ZNF722: variants seen among roughly 807,000 people sequenced by gnomAD.
ZNF722 encodes the protein zinc finger protein 479 pseudogene.
the ZNF722 span, chr7:64,015,058 A>C: frequency 5.9e-6 from 8 of 1,360,708 alleles, no homozygotes; most frequent in Non-Finnish European, 8.4e-6. Context: ...CAAGACCTTC[A>C]TCCAGAGCAG....
the ZNF722 span, among the ~76,000 whole-genome samples, chr7:64,004,386 GT>G: frequency 7.6e-6 from 1 of 132,250 alleles, no homozygotes; most frequent in Non-Finnish European, 1.5e-5. Flanking sequence ...TCCAGCCTGG[GT>G]GACAGAGCGA....
the ZNF722 span, chr7:64,006,364 C>T: frequency 1.7e-6 from 2 of 1,165,768 alleles, no homozygotes; most frequent in South Asian, 1.5e-5. Context: ...GAGAGATACA[C>T]AAATCAACAA....
chr7:64,003,125 G>GAA, the ZNF722 span, among the ~76,000 whole-genome samples: 1 of 152,144 alleles, frequency 6.6e-6, no homozygotes, highest in African/African-American at 2.4e-5. Flanking sequence ...TTCAACCTTT[G>GAA]CATCAAAGGA....
At chr7:64,006,764 ATTAC>A in the ZNF722 span, among the ~76,000 whole-genome samples, 5 of 151,952 alleles carry the variant, frequency 3.3e-5, no homozygotes, top group Non-Finnish European at 7.4e-5. Context: ...TTCTGTTTTT[ATTAC>A]TATAGCCTTG....
chr7:64,006,201 A>T, the ZNF722 span: 1 of 1,141,860 alleles, frequency 8.8e-7, no homozygotes. Context: ...GATTTATCTT[A>T]CTTTTTTTTC....
chr7:64,007,222 T>TGTGTG, the ZNF722 span, among the ~76,000 whole-genome samples: 33,910 of 131,330 alleles, frequency 0.26, 4,671 homozygotes, highest in Non-Finnish European at 0.3. Flanking sequence ...ATTTGTGTGT[T>TGTGTG]TGTGTGTGTA....
chr7:64,013,919 T>A, the ZNF722 span, among the ~76,000 whole-genome samples: 3 of 152,044 alleles, frequency 2.0e-5, no homozygotes, highest in African/African-American at 7.2e-5. Context: ...ATTCTCACAA[T>A]GAAGATTCTT....
chr7:64,001,039 C>T, the ZNF722 span, among the ~76,000 whole-genome samples: 14 of 152,052 alleles, frequency 9.2e-5, no homozygotes, highest in Non-Finnish European at 1.8e-4. Context: ...AGCCTCCCAA[C>T]GTTCTGGGGT....
the ZNF722 span, among the ~76,000 whole-genome samples, chr7:64,006,847 A>G: frequency 6.6e-6 from 1 of 151,498 alleles, no homozygotes; most frequent in African/African-American, 2.4e-5. Context: ...TTATTTATTT[A>G]TTTAGAGGCT....
At chr7:63,999,210 C>T in the ZNF722 span, among the ~76,000 whole-genome samples, 68 of 152,274 alleles carry the variant, frequency 4.5e-4, no homozygotes, top group African/African-American at 1.6e-3. Context: ...TCTTTTTCCT[C>T]TGCAGTGGCT....
At chr7:64,003,728 A>G in the ZNF722 span, among the ~76,000 whole-genome samples, 1 of 152,186 alleles carries the variant, frequency 6.6e-6, no homozygotes, top group South Asian at 2.1e-4. Context: ...GGGTTCTTGT[A>G]TACCATGCAG....
chr7:64,004,425 A>AAAAAAAAAAAAAAATAT, the ZNF722 span, among the ~76,000 whole-genome samples: 1 of 61,120 alleles, frequency 1.6e-5, no homozygotes, highest in African/African-American at 8.0e-5. Context: ...AAAAAAAAAA[A>AAAAAAAAAAAAAAATAT]ATATATATAT....
the ZNF722 span, chr7:64,016,137 T>C: frequency 4.9e-5 from 22 of 447,100 alleles, no homozygotes; most frequent in Non-Finnish European, 7.0e-5. Flanking sequence ...AGAGAATTTA[T>C]TTAAAAAAAA....
At chr7:64,001,267 T>C in the ZNF722 span, among the ~76,000 whole-genome samples, 1 of 152,094 alleles carries the variant, frequency 6.6e-6, no homozygotes, top group African/African-American at 2.4e-5. Flanking sequence ...TGGGCCTCAG[T>C]GTCTGTCTGT....
At chr7:64,008,883 A>G in the ZNF722 span, among the ~76,000 whole-genome samples, 1 of 152,150 alleles carries the variant, frequency 6.6e-6, no homozygotes, top group East Asian at 1.9e-4. Flanking sequence ...TGAGCATGGA[A>G]TGTTCTTCCA....
the ZNF722 span, among the ~76,000 whole-genome samples, chr7:64,007,630 C>G: frequency 6.6e-6 from 1 of 152,084 alleles, no homozygotes; most frequent in Admixed American, 6.6e-5. Context: ...TTTTCTTAAT[C>G]CAGTCTATTC....
At chr7:64,010,209 A>AT in the ZNF722 span, among the ~76,000 whole-genome samples, 4 of 152,088 alleles carry the variant, frequency 2.6e-5, no homozygotes, top group Middle Eastern at 3.4e-3. Context: ...GGATTCATTG[A>AT]TTTTTTGAAG....
the ZNF722 span, among the ~76,000 whole-genome samples, chr7:64,011,220 CTTT>C: frequency 3.0e-4 from 45 of 152,206 alleles, 1 homozygote; most frequent in South Asian, 9.1e-3. Flanking sequence ...CAGTGTGTGT[CTTT>C]TAATTGGGGC....
the ZNF722 span, among the ~76,000 whole-genome samples, chr7:64,013,814 T>C: frequency 6.6e-6 from 1 of 152,176 alleles, no homozygotes; most frequent in African/African-American, 2.4e-5. Flanking sequence ...TTATTTAGGG[T>C]ACATGCAGTG....
Sources: gnomAD v4.1 joint callset for allele counts (sites outside exome capture counted in the v4.1 genomes callset) on GRCh38, gnomAD v4.1.1 for gene constraint, MANE v1.5 for transcripts, NCBI Gene and HGNC (gene_info 2026-07-23, HGNC 2026-07-21) for gene names.